RAPGEF5: variants seen among roughly 807,000 people sequenced by gnomAD.
RAPGEF5 encodes Rap guanine nucleotide exchange factor 5.
Under a neutral mutation model 125.2 loss-of-function variants are expected in RAPGEF5, and 65 were observed. The ratio of observed to expected loss-of-function variants is 0.52; its 90% CI spans 0.43 to 0.64. The LOEUF (loss-of-function observed/expected upper bound fraction) is 0.64. Among genes scored for constraint, RAPGEF5 ranks in the 30% least tolerant of loss-of-function variants. The pLI is 0.00. For synonymous variants in RAPGEF5, 391 were observed against 385.9 expected (o/e 1.01, Z -0.16); for missense variants, 958 against 1,048.1 (o/e 0.91, Z 1.19).
intron 21 of RAPGEF5, among the ~76,000 whole-genome samples, chr7:22,139,088 T>C (rs1783171328): frequency 6.6e-6 from 1 of 152,126 alleles, no homozygotes; most frequent in Non-Finnish European, 1.5e-5. Context: ...AGAAAGCGAA[T>C]CCACAGGTTG....
chr7:22,266,601 A>G (rs377452704), intron 7 of RAPGEF5, among the ~76,000 whole-genome samples: 2 of 152,152 alleles, frequency 1.3e-5, no homozygotes, highest in South Asian at 2.1e-4. Flanking sequence ...CCACCTCTAT[A>G]GTACCCATTG....
At chr7:22,267,089 A>G (rs979702665) in intron 6 of RAPGEF5, 77 bp from the exon 7 acceptor site, 16 of 1,353,030 alleles carry the variant, frequency 1.2e-5, no homozygotes, top group Non-Finnish European at 1.6e-5. Flanking sequence ...TTGTTCTTAG[A>G]TATCCAACCC....
chr7:22,192,493 A>G (rs1246573850), intron 11 of RAPGEF5: 1 of 152,132 alleles, frequency 6.6e-6, no homozygotes, highest in Non-Finnish European at 1.5e-5. Context: ...CATGGTAAAA[A>G]CCTAAGGAAA....
chr7:22,172,391 T>A (rs1339881453), intron 11 of RAPGEF5, among the ~76,000 whole-genome samples: 1 of 152,224 alleles, frequency 6.6e-6, no homozygotes, highest in Admixed American at 6.5e-5. Flanking sequence ...CCCAAAGTTC[T>A]GGGATTGCAG....
Position 22,167,061 on chromosome 7 carries a change from G to A in RAPGEF5, c.1283+9C>T. 6.2e-7 allele frequency: 1 copy of A among 1,600,550 alleles called. No individual in the cohort carries two copies. Among genetic ancestry groups the A allele is most frequent in the Non-Finnish European group, 8.6e-7 (1 of 1,168,336 alleles). ...GTGGACACAGCAGCCTGAAGATAATGAAGGATATTGCCTTAACAGAGCCTG... is the reference window on the plus strand; with the variant it reads ...GTGGACACAGCAGCCTGAAGATAATAAAGGATATTGCCTTAACAGAGCCTG... On this transcript the variant is annotated intron_variant, in intron 12 of 25. Transcript: ENST00000665637.
rs531350821 is a variant in RAPGEF5 at position 22,210,613 on chromosome 7, T to C, written c.996+9253A>G. ...CCATTATTCTCTACTATTATGTGTT[T>C]CTTGGATCTTGAGGTGCCCCTAATC... On this transcript the variant is annotated intron_variant, in intron 9 of 25. Transcript: ENST00000665637. Among the ~76,000 whole-genome samples the C allele has an allele frequency of 2.7e-4, 41 of 152,316 alleles. No homozygotes were observed. The South Asian group carries it at 7.9e-3, about 29-fold the overall frequency.
At chr7:22,347,043 T>A (rs1784236509) in intron 1 of RAPGEF5, among the ~76,000 whole-genome samples, 1 of 152,072 alleles carries the variant, frequency 6.6e-6, no homozygotes, top group South Asian at 2.1e-4. Context: ...AAGTTTAACT[T>A]TTAAATTTTG....
chr7:22,160,393 A>G (rs1783949305), intron 14 of RAPGEF5, 125 bp downstream of exon 14: 1 of 828,238 alleles, frequency 1.2e-6, no homozygotes, highest in South Asian at 1.8e-5. Context: ...AGAAAAGCTA[A>G]GGCATCAAGA....
chr7:22,135,499 T>A (rs1217351000), intron 23 of RAPGEF5, among the ~76,000 whole-genome samples: 4 of 152,144 alleles, frequency 2.6e-5, no homozygotes, highest in Non-Finnish European at 5.9e-5. Flanking sequence ...GTCAGTGGAG[T>A]AACTTGCAGC....
At chr7:22,161,163 C>T (rs776841560) in intron 13 of RAPGEF5, among the ~76,000 whole-genome samples, 2 of 152,106 alleles carry the variant, frequency 1.3e-5, no homozygotes, top group African/African-American at 4.8e-5. Flanking sequence ...GAGCCGAGAT[C>T]GCGCCACTGC....
chr7:22,263,119 A>G (rs1186399834), intron 7 of RAPGEF5, among the ~76,000 whole-genome samples: 1 of 152,244 alleles, frequency 6.6e-6, no homozygotes, highest in Non-Finnish European at 1.5e-5. Flanking sequence ...AATGACAGAA[A>G]TAGAGAACAG....
At chr7:22,159,952 T>C (rs966071624) in intron 14 of RAPGEF5, among the ~76,000 whole-genome samples, 54 of 151,978 alleles carry the variant, frequency 3.6e-4, no homozygotes, top group Non-Finnish European at 7.2e-4. Context: ...CTACCAAAAA[T>C]ACAAAAAGTA....
rs12592 is a variant in RAPGEF5, at chr7:22,162,499, G to A, written c.1326C>T (p.Asp442=). 900,913 of 1,606,796 alleles carry A rather than the reference G, an allele frequency of 0.56. 254,338 individuals are homozygous for A. Among genetic ancestry groups the A allele is most frequent in the African/African-American group, 0.65 (48,818 of 74,760 alleles). Residue 442 remains aspartate (D), a synonymous_variant, in exon 13 of 26, where the codon GAC becomes GAT. Coordinates refer to ENST00000665637, the MANE Select transcript of RAPGEF5 (RefSeq NM_012294.5). ...KKYQGKEENS[D]VPRRKRKVLH... is the part of the protein sequence containing the mutation. ...AGACTTTACGTTTCCTACGCGGAAC[G>A]TCTGAGTTTTCCTCTTTGCCTTGAT... is the stretch of plus-strand genomic sequence containing the variant.
At chr7:22,309,560 G>A (rs1255675742) in intron 4 of RAPGEF5, among the ~76,000 whole-genome samples, 2 of 152,148 alleles carry the variant, frequency 1.3e-5, no homozygotes, top group Admixed American at 6.5e-5. Context: ...AAGTGTTCAT[G>A]ATTACTTAGT....
At chr7:22,192,641 T>C (rs190572909) in intron 11 of RAPGEF5, 1 of 152,392 alleles carries the variant, frequency 6.6e-6, no homozygotes, top group African/African-American at 2.4e-5. Flanking sequence ...CAAATTCTGG[T>C]TAAGAGAAGC....
chr7:22,204,379 A>G (rs1785350063), intron 9 of RAPGEF5, among the ~76,000 whole-genome samples: 2 of 152,222 alleles, frequency 1.3e-5, no homozygotes. Flanking sequence ...CAAGTCAAAG[A>G]ACTCTATCAC....
intron 9 of RAPGEF5, chr7:22,202,961 T>C (rs1357760884): frequency 3.2e-6 from 1 of 315,010 alleles, no homozygotes. Flanking sequence ...CTGTATGCCA[T>C]CCAAGTATAC....
chr7:22,236,457 C>T (rs905273697), intron 7 of RAPGEF5, among the ~76,000 whole-genome samples: 9 of 152,182 alleles, frequency 5.9e-5, no homozygotes, highest in African/African-American at 1.4e-4. Context: ...TTTAATACGG[C>T]GTGAGGACAC....
intron 7 of RAPGEF5, among the ~76,000 whole-genome samples, chr7:22,260,504 C>G (rs566308280): frequency 2.1e-5 from 3 of 144,566 alleles, no homozygotes; most frequent in Non-Finnish European, 4.5e-5. Flanking sequence ...ACTGAGGAAC[C>G]ATCACACAAT....
Sources: gnomAD v4.1 joint callset for allele counts (sites outside exome capture counted in the v4.1 genomes callset) on GRCh38, gnomAD v4.1.1 for gene constraint, MANE v1.5 for transcripts, NCBI Gene and HGNC (gene_info 2026-07-23, HGNC 2026-07-21) for gene names.